Variants in SSBP2 observed in about 807,000 individuals in gnomAD.
The protein encoded by SSBP2 is single stranded DNA binding protein 2.
A neutral mutation model predicts 61.8 loss-of-function variants in SSBP2; 17 were observed. That is an observed-to-expected ratio of 0.28 (90% CI 0.19 to 0.41). The LOEUF (loss-of-function observed/expected upper bound fraction) is 0.41, where lower values mean the gene tolerates loss of function less well. SSBP2 is among the 10% of genes least tolerant of loss of function. The pLI is 1.00. For missense variants in SSBP2, 310 were observed against 458.7 expected (o/e 0.68, Z 2.96); for synonymous variants, 139 against 141.3 (o/e 0.98, Z 0.12).
intron 1 of SSBP2, among the ~76,000 whole-genome samples, chr5:81,679,236 T>A (rs1444095714): frequency 6.6e-6 from 1 of 152,216 alleles, no homozygotes; most frequent in Non-Finnish European, 1.5e-5. Context: ...CTAGAACTCC[T>A]TATCTCAAGT....
chr5:81,597,359 C>T (rs1743873147), intron 4 of SSBP2, among the ~76,000 whole-genome samples: 1 of 152,178 alleles, frequency 6.6e-6, no homozygotes, highest in Non-Finnish European at 1.5e-5. Context: ...CAGGAAACAA[C>T]AGGTGCTGGA....
intron 11 of SSBP2, 38 bp from the exon 12 acceptor site, chr5:81,446,960 T>C: frequency 6.7e-7 from 1 of 1,498,038 alleles, no homozygotes. Flanking sequence ...AAATAAGGCA[T>C]TGCATAAGAA....
At chr5:81,448,897 T>C (rs1364441678) in intron 10 of SSBP2, 72 bp from the exon 11 acceptor site, 10 of 1,201,440 alleles carry the variant, frequency 8.3e-6, no homozygotes, top group African/African-American at 1.5e-5. Flanking sequence ...AATGAATTTA[T>C]TTCATGATTT....
chr5:81,731,876 A>T (rs1363287279), intron 1 of SSBP2, among the ~76,000 whole-genome samples: 1 of 151,414 alleles, frequency 6.6e-6, no homozygotes, highest in African/African-American at 2.4e-5. Flanking sequence ...TAACTTAAAC[A>T]GAGAAATGAA....
At chr5:81,693,139 G>C (rs1023374869) in intron 1 of SSBP2, among the ~76,000 whole-genome samples, 4 of 150,346 alleles carry the variant, frequency 2.7e-5, no homozygotes, top group Non-Finnish European at 5.9e-5. Flanking sequence ...TGGAGGCAGA[G>C]GTTGCAGCGA....
chr5:81,735,831 C>A (rs1756565115), intron 1 of SSBP2, among the ~76,000 whole-genome samples: 1 of 152,110 alleles, frequency 6.6e-6, no homozygotes, highest in African/African-American at 2.4e-5. Context: ...ACATCGATAA[C>A]CATACTTTAT....
At chr5:81,564,675 A>T (rs966626000) in intron 4 of SSBP2, among the ~76,000 whole-genome samples, 2 of 152,226 alleles carry the variant, frequency 1.3e-5, no homozygotes, top group African/African-American at 2.4e-5. Context: ...AAATTCATGC[A>T]GGGTTAGTCT....
At chr5:81,632,248 C>A (rs562566547) in intron 3 of SSBP2, among the ~76,000 whole-genome samples, 1 of 152,154 alleles carries the variant, frequency 6.6e-6, no homozygotes, top group African/African-American at 2.4e-5. Context: ...ATTTTTACAA[C>A]GCTTCCTTTT....
At chr5:81,661,071 C>T (rs1435198144) in intron 1 of SSBP2, among the ~76,000 whole-genome samples, 1 of 151,990 alleles carries the variant, frequency 6.6e-6, no homozygotes, top group Non-Finnish European at 1.5e-5. Flanking sequence ...GGGCTTAACA[C>T]CTAGATGACA....
chr5:81,749,389 AAGATTAGG>A (rs1435648754), intron 1 of SSBP2, among the ~76,000 whole-genome samples: 1 of 152,152 alleles, frequency 6.6e-6, no homozygotes, highest in Non-Finnish European at 1.5e-5. Flanking sequence ...TGCCAACACA[AAGATTAGG>A]AAATGTTCCC....
At chr5:81,615,365 T>C (rs34307657) in intron 4 of SSBP2, 108 bp downstream of exon 4, 153,007 of 829,048 alleles carry the variant, frequency 0.18, 14,855 homozygotes, top group Admixed American at 0.22. Flanking sequence ...GACCAAACAA[T>C]TTCTTAAGTA....
At chr5:81,453,481 C>T (rs1438624824) in intron 10 of SSBP2, among the ~76,000 whole-genome samples, 11 of 120,966 alleles carry the variant, frequency 9.1e-5, no homozygotes, top group African/African-American at 3.6e-4. Flanking sequence ...TTTTTTGAGA[C>T]GGAGTCTTGC....
At chr5:81,646,606 T>G (rs1749287175) in intron 2 of SSBP2, among the ~76,000 whole-genome samples, 1 of 133,158 alleles carries the variant, frequency 7.5e-6, no homozygotes, top group Non-Finnish European at 1.6e-5. Context: ...AAATATTACA[T>G]TCTCCTTTTT....
At chr5:81,716,617 A>T (rs917681398) in intron 1 of SSBP2, among the ~76,000 whole-genome samples, 1 of 152,150 alleles carries the variant, frequency 6.6e-6, no homozygotes, top group Non-Finnish European at 1.5e-5. Context: ...TTCAGTTAAC[A>T]TTCTATCATT....
chr5:81,750,635 A>G (rs1581479862), intron 1 of SSBP2: 3 of 165,892 alleles, frequency 1.8e-5, no homozygotes, highest in Non-Finnish European at 2.4e-5. Context: ...AGGTCCCCGG[A>G]GCCCCGGACC....
chr5:81,475,955 A>G (rs577600490), intron 6 of SSBP2, among the ~76,000 whole-genome samples: 4 of 152,244 alleles, frequency 2.6e-5, no homozygotes, highest in African/African-American at 9.6e-5. Flanking sequence ...GCATGCATGT[A>G]TAATTTCACA....
chr5:81,541,478 A>C (rs535202754), intron 4 of SSBP2, among the ~76,000 whole-genome samples: 31 of 152,162 alleles, frequency 2.0e-4, no homozygotes, highest in African/African-American at 7.0e-4. Flanking sequence ...CCTAAGTGAA[A>C]AAAAACAAAG....
At chr5:81,612,081 T>C (rs2153592047) in intron 4 of SSBP2, among the ~76,000 whole-genome samples, 1 of 152,284 alleles carries the variant, frequency 6.6e-6, no homozygotes, top group South Asian at 2.1e-4. Context: ...TTGGTTGTGA[T>C]GATGGTTTCA....
chr5:81,524,066 A>G (rs1255454444), intron 4 of SSBP2, among the ~76,000 whole-genome samples: 1 of 152,048 alleles, frequency 6.6e-6, no homozygotes, highest in East Asian at 1.9e-4. Flanking sequence ...TACAGTTCTT[A>G]CTATTCTTAC....
Sources: allele counts gnomAD v4.1 joint callset (sites outside exome capture counted in the v4.1 genomes callset), GRCh38; gene constraint gnomAD v4.1.1; transcripts MANE v1.5; gene names NCBI Gene and HGNC (gene_info 2026-07-23, HGNC 2026-07-21).